CCSER1: variants seen among roughly 807,000 people sequenced by gnomAD.
CCSER1 encodes the protein coiled-coil serine rich protein 1, also known as serine-rich coiled-coil domain-containing protein 1.
A neutral mutation model predicts 82.0 loss-of-function variants in CCSER1; 41 were observed. That is an observed-to-expected ratio of 0.50 (90% CI 0.39 to 0.65). CCSER1 has a LOEUF of 0.65. Among genes scored for constraint, CCSER1 ranks in the 30% least tolerant of loss-of-function variants. The pLI, the probability that CCSER1 is intolerant of heterozygous loss-of-function variation, is 0.00. For missense variants in CCSER1, 1,119 were observed against 1,064.2 expected (o/e 1.05, Z -0.72); for synonymous variants, 414 against 383.9 (o/e 1.08, Z -0.92).
In CCSER1 at chr4:90,453,525, G is replaced by A. The variant is rs144628948; in HGVS notation, c.1604-14709G>A. Among the ~76,000 whole-genome samples, 24 of 152,284 alleles carry A rather than the reference G, an allele frequency of 1.6e-4. No individual in the cohort carries two copies. In the East Asian group the frequency reaches 2.5e-3, roughly 16 times the overall value. On this transcript the variant is annotated intron_variant, in intron 4 of 10. Transcript: ENST00000509176. ...AGAAGGAGGTGAGATCCTTAAAGTGGACCGAGACCAGTGTGGCAATTGTGG... is the reference window on the plus strand; with the variant it reads ...AGAAGGAGGTGAGATCCTTAAAGTGAACCGAGACCAGTGTGGCAATTGTGG...
At chr4:90,993,637 G>A (rs1737237612) in intron 9 of CCSER1, among the ~76,000 whole-genome samples, 1 of 151,990 alleles carries the variant, frequency 6.6e-6, no homozygotes, top group Non-Finnish European at 1.5e-5. Context: ...TAAGGTATCA[G>A]CAAATTTGGT....
At chr4:90,453,199 G>A (rs1323002125) in intron 4 of CCSER1, among the ~76,000 whole-genome samples, 1 of 152,116 alleles carries the variant, frequency 6.6e-6, no homozygotes, top group African/African-American at 2.4e-5. Flanking sequence ...TGGGAGTTGA[G>A]GTGTAGGAAG....
chr4:90,620,244 G>A (rs1560825682), intron 5 of CCSER1, among the ~76,000 whole-genome samples: 1 of 151,568 alleles, frequency 6.6e-6, no homozygotes, highest in Non-Finnish European at 1.5e-5. Flanking sequence ...ATAAATACAA[G>A]TGTATTTAAA....
chr4:90,911,883 T>C (rs1219667724), intron 8 of CCSER1, among the ~76,000 whole-genome samples: 1 of 152,166 alleles, frequency 6.6e-6, no homozygotes, highest in East Asian at 1.9e-4. Context: ...CGCTCATTGC[T>C]AGCACAGCAG....
intron 5 of CCSER1, among the ~76,000 whole-genome samples, chr4:90,597,405 A>G (rs920334650): frequency 1.3e-5 from 2 of 152,020 alleles, no homozygotes; most frequent in African/African-American, 2.4e-5. Context: ...CTTTATTAAG[A>G]TGTGATTGGC....
chr4:90,710,238 T>C (rs1740288807), intron 6 of CCSER1, among the ~76,000 whole-genome samples: 1 of 152,154 alleles, frequency 6.6e-6, no homozygotes, highest in African/African-American at 2.4e-5. Context: ...TCTCCCATTC[T>C]CTAGGTTGTC....
chr4:90,237,110 G>C (rs1269357598), intron 1 of CCSER1, among the ~76,000 whole-genome samples: 2 of 152,132 alleles, frequency 1.3e-5, no homozygotes, highest in Admixed American at 6.5e-5. Context: ...AAGCAGTGCA[G>C]AGAGAAATCA....
intron 10 of CCSER1, among the ~76,000 whole-genome samples, chr4:91,422,414 G>A (rs978739940): frequency 6.6e-6 from 1 of 151,996 alleles, no homozygotes; most frequent in Non-Finnish European, 1.5e-5. Flanking sequence ...ATTTTCTTAT[G>A]TGTACAACAC....
At chr4:90,962,134 A>G (rs1734109285) in intron 9 of CCSER1, among the ~76,000 whole-genome samples, 1 of 152,112 alleles carries the variant, frequency 6.6e-6, no homozygotes, top group Admixed American at 6.6e-5. Context: ...CTATGATAAT[A>G]CATGTTAATA....
At chr4:90,934,926 C>T (rs1476029460) in intron 9 of CCSER1, among the ~76,000 whole-genome samples, 1 of 151,876 alleles carries the variant, frequency 6.6e-6, no homozygotes, top group Non-Finnish European at 1.5e-5. Flanking sequence ...AGTGAAACTC[C>T]ATCACACACA....
intron 3 of CCSER1, among the ~76,000 whole-genome samples, chr4:90,393,172 A>G (rs1751455793): frequency 6.6e-6 from 1 of 152,204 alleles, no homozygotes; most frequent in Admixed American, 6.5e-5. Context: ...AATGTGATTT[A>G]CTTAAGGACA....
intron 10 of CCSER1, among the ~76,000 whole-genome samples, chr4:91,403,882 C>T (rs776831576): frequency 5.3e-5 from 8 of 152,136 alleles, no homozygotes; most frequent in South Asian, 2.1e-4. Context: ...CTCTGCCAGA[C>T]ATTGATACCA....
intron 3 of CCSER1, among the ~76,000 whole-genome samples, chr4:90,360,756 T>C (rs1745246840): frequency 6.6e-6 from 1 of 152,160 alleles, no homozygotes; most frequent in South Asian, 2.1e-4. Flanking sequence ...TAGCTGATCA[T>C]GGTCAATATA....
chr4:91,452,851 G>T (rs925955578), intron 10 of CCSER1, among the ~76,000 whole-genome samples: 1 of 152,154 alleles, frequency 6.6e-6, no homozygotes, highest in Non-Finnish European at 1.5e-5. Context: ...TCCTGCAAAT[G>T]AAATCTCTGC....
chr4:91,443,156 A>G (rs1347186325), intron 10 of CCSER1, among the ~76,000 whole-genome samples: 2 of 152,130 alleles, frequency 1.3e-5, no homozygotes, highest in Non-Finnish European at 2.9e-5. Flanking sequence ...TCATGCTGCT[A>G]TAAAGACACA....
At chr4:91,047,663 G>A (rs925700876) in intron 9 of CCSER1, among the ~76,000 whole-genome samples, 3 of 152,052 alleles carry the variant, frequency 2.0e-5, no homozygotes, top group African/African-American at 7.2e-5. Flanking sequence ...ACTTGAATTT[G>A]ATTCATTACT....
chr4:91,213,632 A>T (rs1166293301), intron 10 of CCSER1, among the ~76,000 whole-genome samples: 2 of 152,180 alleles, frequency 1.3e-5, no homozygotes. Flanking sequence ...TGATTTAAGG[A>T]TCAACTTTCA....
chr4:90,582,217 C>A (rs913416354), intron 5 of CCSER1, among the ~76,000 whole-genome samples: 1 of 152,088 alleles, frequency 6.6e-6, no homozygotes, highest in African/African-American at 2.4e-5. Flanking sequence ...TGGCTCAAGG[C>A]AGAATATTTC....
intron 10 of CCSER1, among the ~76,000 whole-genome samples, chr4:91,387,199 A>C (rs1166326059): frequency 6.6e-6 from 1 of 152,026 alleles, no homozygotes; most frequent in Non-Finnish European, 1.5e-5. Flanking sequence ...TTAGGGATAA[A>C]AATATATACA....
Sources: gnomAD v4.1 joint callset for allele counts (sites outside exome capture counted in the v4.1 genomes callset) on GRCh38, gnomAD v4.1.1 for gene constraint, MANE v1.5 for transcripts, NCBI Gene and HGNC (gene_info 2026-07-23, HGNC 2026-07-21) for gene names.